Variants in CACNA2D1 observed in about 807,000 individuals in gnomAD.
CACNA2D1 encodes voltage-dependent calcium channel subunit alpha-2/delta-1.
Under a neutral mutation model 171.5 loss-of-function variants are expected in CACNA2D1, and 53 were observed. That is an observed-to-expected ratio of 0.31 (90% CI 0.25 to 0.39). The LOEUF is 0.39. Ranked by LOEUF, CACNA2D1 falls within the 10% of genes least tolerant of loss-of-function variation. The pLI is 1.00. For missense variants in CACNA2D1, 903 were observed against 1,299.8 expected, an observed-to-expected ratio of 0.69 and a Z score of 4.69; for synonymous variants, 442 against 443.1, an observed-to-expected ratio of 1.00 and a Z score of 0.03.
intron 6 of CACNA2D1, among the ~76,000 whole-genome samples, chr7:82,097,315 G>A (rs2129029381): frequency 6.6e-6 from 1 of 152,256 alleles, no homozygotes; most frequent in South Asian, 2.1e-4. Context: ...ATAATAAGCT[G>A]AAGTATGAAA....
chr7:81,967,995 A>T (rs1794890274), intron 29 of CACNA2D1, among the ~76,000 whole-genome samples: 1 of 151,560 alleles, frequency 6.6e-6, no homozygotes, highest in Admixed American at 6.6e-5. Flanking sequence ...TGCTTGCAGT[A>T]GGTGCTTAAT....
At chr7:82,080,435 G>A (rs1233987923) in intron 7 of CACNA2D1, among the ~76,000 whole-genome samples, 1 of 152,076 alleles carries the variant, frequency 6.6e-6, no homozygotes, top group East Asian at 1.9e-4. Flanking sequence ...TTACAATACT[G>A]TGAAGTAATG....
intron 1 of CACNA2D1, among the ~76,000 whole-genome samples, chr7:82,422,559 G>T (rs1476484837): frequency 6.6e-6 from 1 of 152,040 alleles, no homozygotes; most frequent in Non-Finnish European, 1.5e-5. Context: ...TGACCTACTG[G>T]AAAGCAGAAT....
At chr7:82,350,569 A>G (rs189399123) in intron 1 of CACNA2D1, among the ~76,000 whole-genome samples, 261 of 152,208 alleles carry the variant, frequency 1.7e-3, no homozygotes, top group South Asian at 9.7e-3. Context: ...GGAGGCTGAG[A>G]CAGGAGAATG....
intron 22 of CACNA2D1, among the ~76,000 whole-genome samples, chr7:81,983,686 G>T (rs1436704503): frequency 6.6e-6 from 1 of 152,090 alleles, no homozygotes; most frequent in African/African-American, 2.4e-5. Context: ...ATCAATTGAA[G>T]AACTAGCTCA....
intron 1 of CACNA2D1, among the ~76,000 whole-genome samples, chr7:82,432,312 C>G (rs779383470): frequency 4.6e-5 from 7 of 152,206 alleles, no homozygotes; most frequent in Non-Finnish European, 7.3e-5. Flanking sequence ...TTTTTCCACA[C>G]TGCAATGGTA....
At chr7:82,116,289 T>A (rs1789031591) in intron 6 of CACNA2D1, among the ~76,000 whole-genome samples, 1 of 150,952 alleles carries the variant, frequency 6.6e-6, no homozygotes, top group Non-Finnish European at 1.5e-5. Flanking sequence ...GATAGAGCTG[T>A]CTTTTGGAAA....
chr7:82,201,089 C>T (rs1393204459), intron 3 of CACNA2D1, among the ~76,000 whole-genome samples: 1 of 152,058 alleles, frequency 6.6e-6, no homozygotes, highest in Non-Finnish European at 1.5e-5. Context: ...TTCATTTGCT[C>T]AACAAATAAT....
At chr7:82,392,969 G>C (rs1402208305) in intron 1 of CACNA2D1, among the ~76,000 whole-genome samples, 2 of 150,194 alleles carry the variant, frequency 1.3e-5, no homozygotes, top group African/African-American at 4.9e-5. Context: ...ACAGGTTATA[G>C]GTAATTGGTC....
At chr7:82,399,766 A>C (rs962845458) in intron 1 of CACNA2D1, among the ~76,000 whole-genome samples, 1 of 150,506 alleles carries the variant, frequency 6.6e-6, no homozygotes, top group Non-Finnish European at 1.5e-5. Context: ...CCAGAAAAAA[A>C]ACTAAACAGT....
intron 3 of CACNA2D1, among the ~76,000 whole-genome samples, chr7:82,237,248 G>A (rs1243495095): frequency 7.4e-6 from 1 of 135,754 alleles, no homozygotes; most frequent in African/African-American, 2.4e-5. Context: ...CTAAACTAAT[G>A]ATAATCATTT....
At chr7:82,325,761 AC>A (rs1240086325) in intron 3 of CACNA2D1, among the ~76,000 whole-genome samples, 5 of 152,226 alleles carry the variant, frequency 3.3e-5, no homozygotes, top group Non-Finnish European at 7.3e-5. Flanking sequence ...ACAAGGGAAC[AC>A]CAAGTATTTT....
At chr7:82,030,281 G>A (rs994085477) in intron 12 of CACNA2D1, among the ~76,000 whole-genome samples, 52 of 151,496 alleles carry the variant, frequency 3.4e-4, no homozygotes, top group Admixed American at 1.2e-3. Context: ...AATAGTGGAT[G>A]GAATACATTT....
intron 9 of CACNA2D1, among the ~76,000 whole-genome samples, chr7:82,063,320 A>G (rs1163838449): frequency 6.6e-6 from 1 of 152,168 alleles, no homozygotes; most frequent in Non-Finnish European, 1.5e-5. Context: ...CCATAATTTA[A>G]TTAAAGTAAC....
At chr7:82,138,449 G>GTT (rs5885271) in intron 4 of CACNA2D1, among the ~76,000 whole-genome samples, 20 of 101,582 alleles carry the variant, frequency 2.0e-4, no homozygotes, top group Non-Finnish European at 3.5e-4. Flanking sequence ...TGTTTTTTTT[G>GTT]TTTTTTTTTT....
intron 1 of CACNA2D1, among the ~76,000 whole-genome samples, chr7:82,368,924 T>C (rs553809019): frequency 6.6e-6 from 1 of 152,312 alleles, no homozygotes; most frequent in African/African-American, 2.4e-5. Context: ...GATCATTCTG[T>C]ATAAAATGAA....
At chr7:82,387,914 T>A (rs1215757513) in intron 1 of CACNA2D1, among the ~76,000 whole-genome samples, 1 of 151,790 alleles carries the variant, frequency 6.6e-6, no homozygotes, top group Non-Finnish European at 1.5e-5. Flanking sequence ...AAACCCCATC[T>A]CTACAAAAAA....
intron 1 of CACNA2D1, among the ~76,000 whole-genome samples, chr7:82,425,787 C>T (rs1463296480): frequency 2.6e-5 from 4 of 151,014 alleles, no homozygotes; most frequent in Non-Finnish European, 4.4e-5. Context: ...TGAGCCACCG[C>T]GCCCAACCCA....
chr7:82,237,567 T>A (rs572530162), intron 3 of CACNA2D1, among the ~76,000 whole-genome samples: 72 of 152,124 alleles, frequency 4.7e-4, no homozygotes, highest in Non-Finnish European at 7.8e-4. Context: ...CAATTTATAA[T>A]CTCACATTAA....
Sources: gnomAD v4.1 joint callset for allele counts (sites outside exome capture counted in the v4.1 genomes callset) on GRCh38, gnomAD v4.1.1 for gene constraint, MANE v1.5 for transcripts, NCBI Gene and HGNC (gene_info 2026-07-23, HGNC 2026-07-21) for gene names.